FTO: variants seen among roughly 807,000 people sequenced by gnomAD.
FTO encodes the protein alpha-ketoglutarate-dependent dioxygenase FTO.
A neutral mutation model predicts 63.9 loss-of-function variants in FTO; 47 were observed. That is an observed-to-expected ratio of 0.74 (90% CI 0.58 to 0.94). FTO has a LOEUF of 0.94. FTO is among the 40% of genes least tolerant of loss of function. FTO has a pLI of 0.00. For synonymous variants in FTO, 207 were observed against 224.4 expected (o/e 0.92, Z 0.69); for missense variants, 562 against 618.1 (o/e 0.91, Z 0.96).
intron 4 of FTO, among the ~76,000 whole-genome samples, chr16:53,852,104 A>C (rs2079820101): frequency 7.1e-6 from 1 of 140,080 alleles, no homozygotes; most frequent in African/African-American, 3.0e-5. Context: ...AAAAATACAA[A>C]AAAAAAAAAA....
rs201514245 is a variant in FTO at position 53,811,814 on chromosome 16, C to CT, written c.123+1606dup. ...ACCTCCTTCTCTTTATCTGTCTCTT[C>CT]TTTTTTTTTATTTTTTGACAGAGGA... On this transcript the variant is annotated intron_variant, in intron 2 of 8. Transcript: ENST00000471389. Among the ~76,000 whole-genome samples, 411 of 151,424 alleles carry CT rather than the reference C, an allele frequency of 2.7e-3. 3 individuals are homozygous for CT. Among genetic ancestry groups the CT allele is most frequent in the East Asian group, 4.5e-3 (23 of 5,134 alleles).
chr16:53,916,551 A>C (rs1306516449), intron 7 of FTO, among the ~76,000 whole-genome samples: 1 of 152,212 alleles, frequency 6.6e-6, no homozygotes, highest in African/African-American at 2.4e-5. Context: ...TGAACATTGA[A>C]CATTGGGTAT....
At position 53,783,802 on chromosome 16, in the gene FTO, T is replaced by A. The variant is rs184351970; in HGVS notation, c.46-26338T>A. Among the ~76,000 whole-genome samples the A allele has an allele frequency of 4.9e-4, 74 of 151,018 alleles. No homozygotes were observed. The East Asian group carries it at 9.8e-3, about 20-fold the overall frequency. ...GACTTTGTCTCGGAAAAAAAAAAAA[T>A]TAATTTGAATGCATGCTCCATTATA... On this transcript the variant is annotated intron_variant, in intron 1 of 8. Transcript: ENST00000471389.
rs1176514637 is a variant in FTO at position 54,046,073 on chromosome 16, C to T, written c.1365-65689C>T. ...ACAAGACAGGGATGCCCTCTCTCAC[C>T]GCTCCTATTCAACATAGTGTTGGAA... On this transcript the variant is annotated intron_variant, in intron 8 of 8. Transcript: ENST00000471389. 7.0e-5 allele frequency among the ~76,000 whole-genome samples: 6 copies of T among 85,968 alleles called. 1 individual carries two copies. The highest frequency in any genetic ancestry group is 2.0e-4 in the African/African-American group (2 of 10,166). 56.4% of individuals were successfully genotyped at this position (85,968 alleles called of 152,430 possible).
At chr16:53,951,131 C>T (rs2082790383) in intron 8 of FTO, among the ~76,000 whole-genome samples, 1 of 152,136 alleles carries the variant, frequency 6.6e-6, no homozygotes, top group African/African-American at 2.4e-5. Flanking sequence ...AATGGGTTAG[C>T]ACAGGGTCAA....
At chr16:54,083,316 G>T (rs551904606) in intron 8 of FTO, among the ~76,000 whole-genome samples, 1 of 152,032 alleles carries the variant, frequency 6.6e-6, no homozygotes, top group African/African-American at 2.4e-5. Flanking sequence ...TTGGCAACAC[G>T]CCCGCTGTTT....
intron 8 of FTO, among the ~76,000 whole-genome samples, chr16:54,055,833 G>A (rs2085420315): frequency 6.6e-6 from 1 of 152,218 alleles, no homozygotes; most frequent in African/African-American, 2.4e-5. Context: ...CTACTGATTA[G>A]CAGGATATCT....
At position 54,048,944 on chromosome 16, in the gene FTO, C is replaced by T. The variant is rs114154017; in HGVS notation, c.1365-62818C>T. On this transcript the variant is annotated intron_variant, in intron 8 of 8. Coordinates refer to ENST00000471389, the MANE Select transcript of FTO (RefSeq NM_001080432.3). ...TAATGTGCACTGATGACAAACTACA[C>T]GGTTGAAGGACCATGTAATTTCTCC... Among the ~76,000 whole-genome samples the T allele has an allele frequency of 4.7e-3, 723 of 152,260 alleles. 5 individuals are homozygous for T. The highest frequency in any genetic ancestry group is 0.017 in the African/African-American group (691 of 41,554).
At chr16:53,961,158 C>T (rs1158224874) in intron 8 of FTO, among the ~76,000 whole-genome samples, 3 of 150,818 alleles carry the variant, frequency 2.0e-5, no homozygotes, top group Non-Finnish European at 3.0e-5. Context: ...TTTTTTTTTC[C>T]CCTCTCCTGC....
intron 1 of FTO, among the ~76,000 whole-genome samples, chr16:53,805,058 A>C (rs1436711544): frequency 1.3e-5 from 2 of 152,174 alleles, no homozygotes; most frequent in African/African-American, 2.4e-5. Context: ...GCCATTATTC[A>C]TCACTGTATT....
chr16:54,013,341 T>TGGATCAGCAAA (rs1412525318), intron 8 of FTO: 1 of 133,860 alleles, frequency 7.5e-6, no homozygotes, highest in Non-Finnish European at 1.6e-5. Flanking sequence ...TTGCTTCTTA[T>TGGATCAGCAAA]GGATCAGCAA....
At chr16:53,910,113 C>G (rs2151941079) in intron 7 of FTO, among the ~76,000 whole-genome samples, 1 of 152,122 alleles carries the variant, frequency 6.6e-6, no homozygotes, top group African/African-American at 2.4e-5. Flanking sequence ...GGACGGAGCC[C>G]ATTTTAGACA....
At chr16:54,036,816 TGAA>T (rs1214132393) in intron 8 of FTO, among the ~76,000 whole-genome samples, 27 of 152,244 alleles carry the variant, frequency 1.8e-4, no homozygotes, top group African/African-American at 5.8e-4. Context: ...AGGACACTTA[TGAA>T]GACTGTTAAC....
At chr16:53,978,177 C>T (rs937479534) in intron 8 of FTO, among the ~76,000 whole-genome samples, 2 of 152,136 alleles carry the variant, frequency 1.3e-5, no homozygotes, top group African/African-American at 4.8e-5. Flanking sequence ...TCACTAATCT[C>T]GATGCACATT....
intron 8 of FTO, among the ~76,000 whole-genome samples, chr16:53,941,262 G>A (rs1387772590): frequency 3.3e-5 from 5 of 152,188 alleles, no homozygotes; most frequent in South Asian, 4.1e-4. Flanking sequence ...TGAGTATGAC[G>A]TGAGTCTCAA....
At chr16:53,879,116 G>C (rs1476397609) in intron 5 of FTO, among the ~76,000 whole-genome samples, 1 of 152,130 alleles carries the variant, frequency 6.6e-6, no homozygotes, top group Non-Finnish European at 1.5e-5. Context: ...TAAAAAGTCA[G>C]TGTCCTTGAC....
chr16:53,704,191 C>G lies in FTO; in HGVS notation c.7C>G (p.Arg3Gly). MK[R>G]TPTAEERERE... Reference sequence around the variant, plus strand: ...AGGCGGCTTTAGTGGCAGCATGAAGCGCACCCCGACTGCCGAGGAACGAGA... The same window carrying G: ...AGGCGGCTTTAGTGGCAGCATGAAGGGCACCCCGACTGCCGAGGAACGAGA... The change falls in exon 1 of 9, where the codon CGC becomes GGC. Residue 3 changes from arginine to glycine, a missense_variant. By Grantham distance (125) the Arg-to-Gly change is moderately radical. Transcript: ENST00000471389. 2 of 1,551,466 alleles carry G rather than the reference C, an allele frequency of 1.3e-6. No individual in the cohort carries two copies. The highest frequency in any genetic ancestry group is 8.7e-7 in the Non-Finnish European group (1 of 1,146,838).
chr16:54,009,288 A>G (rs116907476), intron 8 of FTO, among the ~76,000 whole-genome samples: 4,867 of 152,304 alleles, frequency 0.032, 132 homozygotes, highest in Middle Eastern at 0.12. Context: ...ATTTGGATAA[A>G]GGGTATATGA....
intron 8 of FTO, among the ~76,000 whole-genome samples, chr16:54,004,003 T>C (rs967194048): frequency 3.9e-5 from 6 of 152,206 alleles, no homozygotes; most frequent in Non-Finnish European, 5.9e-5. Flanking sequence ...ATGACTAGTG[T>C]ATACTACCTT....
Sources: allele counts gnomAD v4.1 joint callset (sites outside exome capture counted in the v4.1 genomes callset), GRCh38; gene constraint gnomAD v4.1.1; transcripts MANE v1.5; gene names NCBI Gene and HGNC (gene_info 2026-07-23, HGNC 2026-07-21).